MTMR8: variants seen among roughly 807,000 people sequenced by gnomAD.
MTMR8 encodes myotubularin related protein 8.
A neutral mutation model predicts 39.3 loss-of-function variants in MTMR8; 65 were observed. The observed-to-expected ratio is 1.65, with a 90% CI of 1.35 to 2.03. MTMR8 has a LOEUF of 2.03. Ranked by LOEUF, MTMR8 falls within the 30% of genes most tolerant of loss-of-function variation. The pLI, the probability that MTMR8 is intolerant of heterozygous loss-of-function variation, is 0.00. For synonymous variants in MTMR8, 245 were observed against 185.2 expected (o/e 1.32, Z -2.62); for missense variants, 777 against 538.9 (o/e 1.44, Z -4.37).
intron 12 of MTMR8, among the ~76,000 whole-genome samples, chrX:64,286,686 A>G (rs1366451134): frequency 8.9e-6 from 1 of 112,118 alleles, no homozygotes; most frequent in Non-Finnish European, 1.9e-5. Flanking sequence ...GTAATCTAGC[A>G]TATAAACAGA....
intron 12 of MTMR8, among the ~76,000 whole-genome samples, chrX:64,302,111 G>A (rs1004409058): frequency 1.8e-5 from 2 of 112,870 alleles, no homozygotes; most frequent in South Asian, 3.6e-4. Context: ...GAGCTTTCTG[G>A]CTGCTTTGTT....
chrX:64,311,071 A>C (rs1228786559), intron 12 of MTMR8, among the ~76,000 whole-genome samples: 1 of 111,828 alleles, frequency 8.9e-6, no homozygotes, highest in African/African-American at 3.3e-5. Flanking sequence ...TTGAGGAATC[A>C]CCACACTGTC....
At chrX:64,321,848 G>A (rs765138210) in intron 12 of MTMR8, among the ~76,000 whole-genome samples, 16 of 111,565 alleles carry the variant, frequency 1.4e-4, no homozygotes, top group South Asian at 3.8e-4. Context: ...TACATAATTC[G>A]TTAAGTTTTT....
chrX:64,301,115 C>T (rs1457026505), intron 12 of MTMR8, among the ~76,000 whole-genome samples: 1 of 107,427 alleles, frequency 9.3e-6, no homozygotes, highest in Non-Finnish European at 1.9e-5. Flanking sequence ...TGAATCTGAA[C>T]GTTGGCCTGC....
intron 11 of MTMR8, among the ~76,000 whole-genome samples, chrX:64,330,111 T>C (rs957300127): frequency 1.1e-4 from 12 of 112,101 alleles, no homozygotes; most frequent in African/African-American, 3.6e-4. Flanking sequence ...TAATCACTAT[T>C]TTAAAATATG....
chrX:64,291,470 G>C (rs921607013), intron 12 of MTMR8, among the ~76,000 whole-genome samples: 1 of 110,420 alleles, frequency 9.1e-6, no homozygotes, highest in Non-Finnish European at 1.9e-5. Flanking sequence ...CCCCTTCTGC[G>C]TGCTGGCCTC....
chrX:64,315,011 A>T (rs1922424026), intron 12 of MTMR8, among the ~76,000 whole-genome samples: 1 of 111,678 alleles, frequency 9.0e-6, no homozygotes, highest in African/African-American at 3.3e-5. Context: ...GTTCAGGCCC[A>T]CTAGTTCCCC....
intron 12 of MTMR8, among the ~76,000 whole-genome samples, chrX:64,297,353 G>C (rs1358897288): frequency 9.2e-6 from 1 of 108,943 alleles, no homozygotes; most frequent in Non-Finnish European, 1.9e-5. Context: ...ATTTTTTCAT[G>C]TGTTTTTTGG....
chrX:64,293,868 CCT>C (rs1569212098), intron 12 of MTMR8, among the ~76,000 whole-genome samples: 2 of 111,659 alleles, frequency 1.8e-5, no homozygotes, highest in African/African-American at 6.5e-5. Context: ...TGGTTGTACC[CCT>C]GAGACTATCC....
At chrX:64,304,396 G>T (rs1922008574) in intron 12 of MTMR8, among the ~76,000 whole-genome samples, 1 of 111,622 alleles carries the variant, frequency 9.0e-6, no homozygotes, top group Non-Finnish European at 1.9e-5. Flanking sequence ...AGTCACTCCA[G>T]GACTAGGAGT....
chrX:64,312,916 T>G (rs1009470093), intron 12 of MTMR8, among the ~76,000 whole-genome samples: 2 of 112,567 alleles, frequency 1.8e-5, no homozygotes, highest in African/African-American at 6.5e-5. Context: ...ACAGTGACCT[T>G]AAAATATTTA....
Position 64,331,701 on chromosome X carries a change from A to G in MTMR8, c.1208T>C (p.Leu403Pro), listed in dbSNP as rs199913114. The G allele has an allele frequency of 5.9e-5, 71 of 1,209,196 alleles. No individual in the cohort carries two copies. Among genetic ancestry groups the G allele is most frequent in the Non-Finnish European group, 7.4e-5 (66 of 894,565 alleles). Reference sequence around the variant, plus strand: ...TTCCATTAATTGCCAGATACAGTCTAGGAACTGGGTGAAGATAGGGGACAC... The same window carrying G: ...TTCCATTAATTGCCAGATACAGTCTGGGAACTGGGTGAAGATAGGGGACAC... ...KEVSPIFTQFLDCIWQLMEQF... is the reference protein window; with the variant it reads ...KEVSPIFTQFPDCIWQLMEQF... Residue 403 changes from leucine to proline, a missense_variant, in exon 11 of 14, where the codon CTA becomes CCA. Transcript: ENST00000374852.
intron 1 of MTMR8, among the ~76,000 whole-genome samples, chrX:64,374,838 G>A (rs1332816545): frequency 3.6e-5 from 4 of 109,660 alleles, no homozygotes; most frequent in South Asian, 8.1e-4. Flanking sequence ...GAGAGGAGAC[G>A]GCACACAGAG....
chrX:64,351,952 T>A (rs1923497617), intron 4 of MTMR8, among the ~76,000 whole-genome samples: 1 of 111,075 alleles, frequency 9.0e-6, no homozygotes, highest in African/African-American at 3.3e-5. Flanking sequence ...AGTAACAGCC[T>A]CACAGACACA....
intron 1 of MTMR8, among the ~76,000 whole-genome samples, chrX:64,388,153 T>C (rs1342587677): frequency 8.9e-6 from 1 of 111,921 alleles, no homozygotes; most frequent in East Asian, 2.8e-4. Flanking sequence ...GCCACAATTA[T>C]TGGTAACAAG....
At position 64,277,289 on chromosome X, in the gene MTMR8, G is replaced by C. The variant is rs1931895857; in HGVS notation, c.1482-6216C>G. On this transcript the variant is annotated intron_variant, in intron 12 of 13. Transcript: ENST00000374852. ...TGTGTGAATTTGATCCTGTCATTAT[G>C]ATGCTAGCTGGTTATTTTGCCTGTC... Among the ~76,000 whole-genome samples, 3 of 111,776 alleles carry C rather than the reference G, an allele frequency of 2.7e-5. No homozygotes were observed. The South Asian group carries it at 1.1e-3, about 42-fold the overall frequency.
intron 12 of MTMR8, among the ~76,000 whole-genome samples, chrX:64,281,155 A>G (rs188712645): frequency 1.3e-4 from 15 of 111,862 alleles, no homozygotes; most frequent in Admixed American, 3.8e-4. Context: ...TGCTCTTCCC[A>G]TCAAAGAACT....
intron 12 of MTMR8, among the ~76,000 whole-genome samples, chrX:64,292,999 C>T (rs1022657300): frequency 2.7e-5 from 3 of 110,714 alleles, no homozygotes; most frequent in African/African-American, 9.9e-5. Context: ...CTTATAAAGG[C>T]CTGGGAAGAC....
At chrX:64,307,475 C>T (rs1185528190) in intron 12 of MTMR8, among the ~76,000 whole-genome samples, 1 of 111,783 alleles carries the variant, frequency 8.9e-6, no homozygotes, top group East Asian at 2.8e-4. Context: ...ATCCTTCCCC[C>T]ATTTAATTAC....
Sources: gnomAD v4.1 joint callset for allele counts (sites outside exome capture counted in the v4.1 genomes callset) on GRCh38, gnomAD v4.1.1 for gene constraint, MANE v1.5 for transcripts, NCBI Gene and HGNC (gene_info 2026-07-23, HGNC 2026-07-21) for gene names.